The following WWC2 variants were observed in gnomAD, a reference collection of about 807,000 sequenced individuals.
WWC2 encodes protein WWC2.
A neutral mutation model predicts 138.5 loss-of-function variants in WWC2; 101 were observed. The ratio of observed to expected loss-of-function variants is 0.73; its 90% confidence interval spans 0.62 to 0.86. WWC2 has a LOEUF of 0.86. Ranked by LOEUF, WWC2 falls within the 40% of genes least tolerant of loss-of-function variation. WWC2 has a pLI of 0.00. For synonymous variants in WWC2, 558 were observed against 538.4 expected (o/e 1.04, Z -0.50); for missense variants, 1,420 against 1,419.4 (o/e 1.00, Z -0.01).
chr4:183,113,524 GTGCGCGCGCACATGCACGTGCA>G (rs1561420329), intron 1 of WWC2, among the ~76,000 whole-genome samples: 6 of 141,432 alleles, frequency 4.2e-5, no homozygotes, highest in African/African-American at 1.1e-4. Flanking sequence ...GTGCGCGCGC[GTGCGCGCGCACATGCACGTGCA>G]TGCAAGATGA....
chr4:183,291,066 A>G (rs1035967823), intron 21 of WWC2, among the ~76,000 whole-genome samples: 1 of 152,246 alleles, frequency 6.6e-6, no homozygotes, highest in Non-Finnish European at 1.5e-5. Context: ...GTGTTTGCTC[A>G]GTGTGGAGTT....
intron 16 of WWC2, among the ~76,000 whole-genome samples, chr4:183,279,239 G>A (rs1175332577): frequency 6.6e-6 from 1 of 151,902 alleles, no homozygotes; most frequent in Admixed American, 6.6e-5. Context: ...ATAATCATGT[G>A]GTTTTTGTCT....
rs576487134 is a variant in WWC2 at position 183,234,605 on chromosome 4, G to A, written c.523-5578G>A. ...ATTGTATTTTTAGAAGTTCTCCTGG[G>A]TTCTAGATAGACTGTGATAGCAGGG... is the stretch of plus-strand genomic sequence containing the variant. On this transcript the variant is annotated intron_variant, in intron 4 of 22. Coordinates refer to ENST00000403733, the MANE Select transcript of WWC2 (RefSeq NM_024949.6). Among the ~76,000 whole-genome samples, 11 of 152,138 alleles carry A rather than the reference G, an allele frequency of 7.2e-5. No homozygotes were observed. In the South Asian group the frequency reaches 2.3e-3, roughly 32 times the overall value.
In WWC2 at chr4:183,312,826, A is replaced by AC. The variant is rs3830486; in HGVS notation, c.3512+359dup. ...TTCCTTGGGCAGCCCCAGAAACCTT[A>AC]CACCTTGTCAGGCTCTGAGATGTGG... On this transcript the variant is annotated intron_variant, in intron 22 of 22. Transcript: ENST00000403733. 4.7e-4 allele frequency among the ~76,000 whole-genome samples: 72 copies of AC among 152,280 alleles called. 2 individuals carry two copies. The East Asian group carries it at 8.3e-3, about 18-fold the overall frequency.
chr4:183,147,172 C>A (rs1412164845), intron 1 of WWC2, among the ~76,000 whole-genome samples: 2 of 152,178 alleles, frequency 1.3e-5, no homozygotes, highest in African/African-American at 4.8e-5. Flanking sequence ...CTCAACTTTT[C>A]TGAAAAGAGA....
chr4:183,222,331 AATCT>A (rs1735957762), intron 4 of WWC2, among the ~76,000 whole-genome samples: 1 of 151,964 alleles, frequency 6.6e-6, no homozygotes, highest in Admixed American at 6.6e-5. Context: ...TAATAAATAG[AATCT>A]ATATGTATTT....
At chr4:183,303,520 C>G (rs1340444526) in intron 21 of WWC2, among the ~76,000 whole-genome samples, 1 of 152,176 alleles carries the variant, frequency 6.6e-6, no homozygotes, top group African/African-American at 2.4e-5. Flanking sequence ...CCTTTTACCC[C>G]ATGACGACAG....
At position 183,099,637 on chromosome 4, in the gene WWC2, C is replaced by T. The variant is rs1579932887; in HGVS notation, c.131+15C>T. On this transcript the variant is annotated intron_variant, in intron 1 of 22. Transcript: ENST00000403733. The stretch of plus-strand genomic sequence containing the variant: ...CCCCGGGACAGGTGGGCGCCGGCCG[C>T]GGGGGCGCGGGCCCGTTCGGACACG... 1 of 1,318,644 alleles carries T rather than the reference C, an allele frequency of 7.6e-7. No homozygotes were observed. Among genetic ancestry groups the T allele is most frequent in the Non-Finnish European group, 9.8e-7 (1 of 1,017,102 alleles). The allele number at this position is 1,318,644 out of a possible 1,614,324, so 81.7% of individuals were successfully genotyped here.
At chr4:183,169,781 G>A (rs1561446422) in intron 1 of WWC2, among the ~76,000 whole-genome samples, 2 of 152,134 alleles carry the variant, frequency 1.3e-5, no homozygotes, top group Non-Finnish European at 2.9e-5. Flanking sequence ...GCATTAAAGT[G>A]CTACAAGTTC....
chr4:183,138,599 C>T (rs927212736), intron 1 of WWC2, among the ~76,000 whole-genome samples: 5 of 152,132 alleles, frequency 3.3e-5, no homozygotes, highest in Non-Finnish European at 7.4e-5. Context: ...ACATATTTAT[C>T]GTATGGTCCT....
chr4:183,203,923 CA>C (rs1735370667), intron 2 of WWC2, among the ~76,000 whole-genome samples: 1 of 152,100 alleles, frequency 6.6e-6, no homozygotes, highest in South Asian at 2.1e-4. Flanking sequence ...TAGTACAGTC[CA>C]AGACCAAACT....
chr4:183,220,727 G>A (rs1580072108), intron 4 of WWC2, among the ~76,000 whole-genome samples: 1 of 151,808 alleles, frequency 6.6e-6, no homozygotes, highest in South Asian at 2.1e-4. Context: ...CCAGCTACTC[G>A]GGAGGCTGAG....
intron 4 of WWC2, chr4:183,233,652 A>G (rs911532925): frequency 8.5e-5 from 13 of 152,184 alleles, no homozygotes; most frequent in Admixed American, 2.6e-4. Flanking sequence ...CTCGTTTCTG[A>G]TGGCCAATTC....
chr4:183,250,829 T>A (rs1313188781), intron 8 of WWC2, among the ~76,000 whole-genome samples: 1 of 152,204 alleles, frequency 6.6e-6, no homozygotes, highest in African/African-American at 2.4e-5. Context: ...TTTCTCCCCA[T>A]GACCATGAAA....
At chr4:183,212,769 CAG>C (rs1194466966) in intron 4 of WWC2, among the ~76,000 whole-genome samples, 1 of 152,154 alleles carries the variant, frequency 6.6e-6, no homozygotes. Flanking sequence ...TCATCCCAAT[CAG>C]GGGTAGCACA....
At chr4:183,126,142 G>T (rs1270372154) in intron 1 of WWC2, among the ~76,000 whole-genome samples, 4 of 152,196 alleles carry the variant, frequency 2.6e-5, no homozygotes, top group Non-Finnish European at 5.9e-5. Context: ...TCCTTCTGCA[G>T]ACTCTCTCTG....
At chr4:183,172,556 G>GTTTTTTTTTTTTTTTTT (rs61599876) in intron 1 of WWC2, among the ~76,000 whole-genome samples, 44 of 112,954 alleles carry the variant, frequency 3.9e-4, no homozygotes, top group Middle Eastern at 0.011. Context: ...TATGTTTCTT[G>GTTTTTTTTTTTTTTTTT]TTTTTTTTTT....
At chr4:183,237,424 A>C (rs1266661815) in intron 4 of WWC2, among the ~76,000 whole-genome samples, 1 of 152,136 alleles carries the variant, frequency 6.6e-6, no homozygotes, top group Non-Finnish European at 1.5e-5. Context: ...TTGATATGAT[A>C]ATAGTTTAAT....
intron 21 of WWC2, among the ~76,000 whole-genome samples, chr4:183,300,372 C>G (rs1223198400): frequency 6.6e-6 from 1 of 151,026 alleles, no homozygotes; most frequent in Non-Finnish European, 1.5e-5. Context: ...GAGTGTTTCC[C>G]TGTCAAAATG....
Sources: gnomAD v4.1 joint callset for allele counts (sites outside exome capture counted in the v4.1 genomes callset) on GRCh38, gnomAD v4.1.1 for gene constraint, MANE v1.5 for transcripts, NCBI Gene and HGNC (gene_info 2026-07-23, HGNC 2026-07-21) for gene names.